Variants in TBC1D12 observed in about 807,000 individuals in gnomAD.
The protein encoded by TBC1D12 is TBC1 domain family, member 12.
A neutral mutation model predicts 86.7 loss-of-function variants in TBC1D12; 56 were observed. The ratio of observed to expected loss-of-function variants is 0.65; its 90% CI spans 0.52 to 0.81. The LOEUF (loss-of-function observed/expected upper bound fraction) is 0.81, where lower values mean the gene tolerates loss of function less well. Ranked by LOEUF, TBC1D12 falls within the 30% of genes least tolerant of loss-of-function variation. The pLI is 0.00. For synonymous variants in TBC1D12, 421 were observed against 411.7 expected (o/e 1.02, Z -0.27); for missense variants, 1,023 against 1,038.8 (o/e 0.98, Z 0.21).
chr10:94,421,034 A>G (rs1285771917), intron 1 of TBC1D12, among the ~76,000 whole-genome samples: 2 of 152,118 alleles, frequency 1.3e-5, no homozygotes, highest in Non-Finnish European at 1.5e-5. Context: ...GTTTTGAAAT[A>G]TATATTATTA....
intron 3 of TBC1D12, among the ~76,000 whole-genome samples, chr10:94,482,362 A>G (rs976186416): frequency 1.3e-5 from 2 of 152,044 alleles, no homozygotes; most frequent in Admixed American, 1.3e-4. Context: ...GTTCTTTTTT[A>G]TGGCTACAGG....
intron 11 of TBC1D12, among the ~76,000 whole-genome samples, chr10:94,529,448 G>T (rs368118687): frequency 6.6e-6 from 1 of 152,084 alleles, no homozygotes; most frequent in Non-Finnish European, 1.5e-5. Context: ...GAGAAACGCC[G>T]TCTCTACTAA....
rs542230757 is a variant in TBC1D12 at position 94,503,425 on chromosome 10, G to C, written c.1519+3098G>C. On this transcript the variant is annotated intron_variant, in intron 6 of 12. Coordinates refer to ENST00000225235, the MANE Select transcript of TBC1D12 (RefSeq NM_015188.2). ...TACTCTGAGGAAATAGCCAGGATTGGATGCAAAAGCTTTTCTACAAAAATG... is the reference window on the plus strand; with the variant it reads ...TACTCTGAGGAAATAGCCAGGATTGCATGCAAAAGCTTTTCTACAAAAATG... Among the ~76,000 whole-genome samples the C allele has an allele frequency of 4.3e-4, 65 of 152,192 alleles. 1 individual carries two copies. The highest frequency in any genetic ancestry group is 1.5e-3 in the African/African-American group (62 of 41,542).
chr10:94,463,896 A>G (rs1310081853), intron 2 of TBC1D12, among the ~76,000 whole-genome samples: 1 of 152,182 alleles, frequency 6.6e-6, no homozygotes, highest in Non-Finnish European at 1.5e-5. Flanking sequence ...AATCTCCACC[A>G]TAATGTACTT....
At chr10:94,464,570 A>T (rs1226640707) in intron 2 of TBC1D12, among the ~76,000 whole-genome samples, 1 of 152,164 alleles carries the variant, frequency 6.6e-6, no homozygotes, top group South Asian at 2.1e-4. Flanking sequence ...GGCTCAAGCC[A>T]TCCTCCCACC....
intron 1 of TBC1D12, among the ~76,000 whole-genome samples, chr10:94,418,580 T>TATTATA (rs1018116300): frequency 2.0e-5 from 3 of 148,980 alleles, no homozygotes; most frequent in Admixed American, 6.7e-5. Context: ...TTATTATTAT[T>TATTATA]ATATTATTTT....
intron 2 of TBC1D12, among the ~76,000 whole-genome samples, chr10:94,460,382 G>A (rs1238088427): frequency 6.6e-6 from 1 of 151,262 alleles, no homozygotes; most frequent in Non-Finnish European, 1.5e-5. Context: ...AACTTTGTAG[G>A]GTACAGAATT....
chr10:94,412,917 G>T (rs1221771347), intron 1 of TBC1D12, among the ~76,000 whole-genome samples: 1 of 152,222 alleles, frequency 6.6e-6, no homozygotes, highest in Non-Finnish European at 1.5e-5. Flanking sequence ...GGGTTGTTAA[G>T]AATGCAGATT....
intron 3 of TBC1D12, among the ~76,000 whole-genome samples, chr10:94,479,962 G>C (rs6583942): frequency 0.69 from 104,775 of 151,976 alleles, 36,784 homozygotes; most frequent in East Asian, 0.83. Context: ...CATTTTCATG[G>C]TGACCTTATG....
chr10:94,477,578 G>T (rs1040454991), intron 3 of TBC1D12, among the ~76,000 whole-genome samples: 1 of 152,134 alleles, frequency 6.6e-6, no homozygotes, highest in Non-Finnish European at 1.5e-5. Flanking sequence ...GCAGACTTGG[G>T]CCAGCTAACA....
At chr10:94,493,052 G>A (rs189584783) in intron 3 of TBC1D12, among the ~76,000 whole-genome samples, 5 of 152,102 alleles carry the variant, frequency 3.3e-5, no homozygotes, top group Non-Finnish European at 7.4e-5. Flanking sequence ...CAACCCAGGA[G>A]TTTGAGACTA....
chr10:94,457,890 G>T (rs1029937335), intron 2 of TBC1D12, among the ~76,000 whole-genome samples: 1 of 152,090 alleles, frequency 6.6e-6, no homozygotes, highest in African/African-American at 2.4e-5. Context: ...ATACCTGAAA[G>T]TGGAGTTTCA....
chr10:94,402,964 C>A lies in TBC1D12; in HGVS notation c.351C>A (p.His117Gln), dbSNP rs760734552. 1 of 1,574,754 alleles carries A rather than the reference C, an allele frequency of 6.4e-7. No individual in the cohort carries two copies. Among genetic ancestry groups the A allele is most frequent in the Non-Finnish European group, 8.6e-7 (1 of 1,165,242 alleles). ...GCCTGCTGGGCTCGGGCTCCAAACA[C>A]CGCGGCGCGGAGGTGGCTGATGGCC... Reference protein sequence around the residue: ...DACLLGSGSKHRGAEVADGRA... With the variant: ...DACLLGSGSKQRGAEVADGRA... Residue 117 changes from histidine to glutamine, a missense_variant, in exon 1 of 13, where the codon CAC becomes CAA. His to Gln is a conservative substitution (Grantham distance 24). Coordinates refer to ENST00000225235, the MANE Select transcript of TBC1D12 (RefSeq NM_015188.2).
intron 1 of TBC1D12, among the ~76,000 whole-genome samples, chr10:94,426,525 C>T (rs925275268): frequency 2.0e-5 from 3 of 152,054 alleles, no homozygotes; most frequent in African/African-American, 7.2e-5. Context: ...CCAGGATAAA[C>T]CCCACTTGGT....
At chr10:94,451,724 TTGTG>T (rs921229210) in intron 2 of TBC1D12, among the ~76,000 whole-genome samples, 132 of 152,248 alleles carry the variant, frequency 8.7e-4, no homozygotes, top group African/African-American at 2.5e-3. Flanking sequence ...TCTTATCTCT[TTGTG>T]TGCCCAGTTA....
Position 94,531,352 on chromosome 10 carries a change from T to G in TBC1D12, c.2151T>G (p.Ile717Met). 6.2e-7 allele frequency: 1 copy of G among 1,614,174 alleles called. No individual in the cohort carries two copies. The highest frequency in any genetic ancestry group is 8.5e-7 in the Non-Finnish European group (1 of 1,180,034). The change falls in exon 12 of 13, where the codon ATT becomes ATG. Residue 717 changes from isoleucine to methionine, a missense_variant. By Grantham distance (10) the Ile-to-Met change is conservative. This residue lies in a region of TBC1D12 where 395 missense variants were observed against 507.7 expected (regional missense o/e 0.78). Transcript: ENST00000225235. ...ATATTCTCCTGCAGATGGACTTTAT[T>G]CATATAGCACAGTTTCTAACTAAAT... ...YEDILLQMDF[I>M]HIAQFLTKLP...
At chr10:94,436,039 A>C (rs1169870708) in intron 1 of TBC1D12, among the ~76,000 whole-genome samples, 2 of 151,988 alleles carry the variant, frequency 1.3e-5, no homozygotes, top group African/African-American at 2.4e-5. Context: ...TCAATACCAT[A>C]TGTTGTTAAA....
intron 9 of TBC1D12, among the ~76,000 whole-genome samples, chr10:94,517,074 AT>A (rs1842014493): frequency 6.6e-6 from 1 of 152,050 alleles, no homozygotes; most frequent in African/African-American, 2.4e-5. Context: ...AAGAAAAAAA[AT>A]ATATTAAAAT....
chr10:94,520,192 G>A (rs1842106512), intron 9 of TBC1D12, among the ~76,000 whole-genome samples: 1 of 152,182 alleles, frequency 6.6e-6, no homozygotes, highest in Admixed American at 6.5e-5. Context: ...GGTCATACTG[G>A]CAAGAGAAAT....
Sources: allele counts gnomAD v4.1 joint callset (sites outside exome capture counted in the v4.1 genomes callset), GRCh38; gene constraint gnomAD v4.1.1; regional missense constraint gnomAD v4.1.1; transcripts MANE v1.5; gene names NCBI Gene and HGNC (gene_info 2026-07-23, HGNC 2026-07-21).